ANKRD17: variants seen among roughly 807,000 people sequenced by gnomAD.
The protein encoded by ANKRD17 is ankyrin repeat domain 17, also known as ankyrin repeat domain-containing protein 17.
A neutral mutation model predicts 229.7 loss-of-function variants in ANKRD17; 19 were observed. That is an observed-to-expected ratio of 0.08 (90% CI 0.06 to 0.12). ANKRD17 has a LOEUF of 0.12. ANKRD17 is among the 10% of genes least tolerant of loss of function. ANKRD17 has a pLI of 1.00. For synonymous variants in ANKRD17, 1,112 were observed against 1,146.1 expected (o/e 0.97, Z 0.60); for missense variants, 2,176 against 3,176.8 (o/e 0.68, Z 7.57).
In ANKRD17 at chr4:73,214,923, T is replaced by G. The variant is rs538915561; in HGVS notation, c.394-37390A>C. Among the ~76,000 whole-genome samples the G allele has an allele frequency of 2.6e-3, 390 of 151,276 alleles. 3 individuals carry two copies. Among genetic ancestry groups the G allele is most frequent in the African/African-American group, 8.8e-3 (365 of 41,318 alleles). On this transcript the variant is annotated intron_variant, in intron 1 of 33. Coordinates refer to ENST00000358602, the MANE Select transcript of ANKRD17 (RefSeq NM_032217.5). The stretch of plus-strand genomic sequence containing the variant: ...CAGTCTTGAATATATTACTTTAATA[T>G]TCTGTGTGATAAAACAGAAAGCACT...
rs372446685 is a variant in ANKRD17, at chr4:73,137,082, T to C, written c.3086-1817A>G. Among the ~76,000 whole-genome samples the C allele has an allele frequency of 9.3e-5, 14 of 150,758 alleles. 1 individual carries two copies. The East Asian group carries it at 2.6e-3, about 28-fold the overall frequency. ...ATCTCATCATTTCCTTCGGGGTACC[T>C]ATAAAATTGGTTTACTAAAATTAGG... On this transcript the variant is annotated intron_variant, in intron 15 of 33. Coordinates refer to ENST00000358602, the MANE Select transcript of ANKRD17 (RefSeq NM_032217.5).
In ANKRD17 at chr4:73,168,108, C is replaced by G. The variant is rs550810863; in HGVS notation, c.548-6760G>C. On this transcript the variant is annotated intron_variant, in intron 2 of 33. Transcript: ENST00000358602. ...GCGGAGCTTGCAGTGAGCCAAGATC[C>G]CACCACTGTACTCCAGCCTGGGGGA... is the stretch of plus-strand genomic sequence containing the variant. Among the ~76,000 whole-genome samples, 221 of 148,344 alleles carry G rather than the reference C, an allele frequency of 1.5e-3. 1 individual carries two copies. The highest frequency in any genetic ancestry group is 5.0e-3 in the African/African-American group (200 of 39,880).
Position 73,258,486 on chromosome 4 carries a change from G to C in ANKRD17, c.183C>G (p.Leu61=). ...GCTGCTGCGGCGGCTTCTTCTTCAG[G>C]AGCAGGTCGCAGACTCGCACCATCC... The part of the protein sequence containing the change: ...PRGMVRVCDL[L]LKKKPPQQQH... The change falls in exon 1 of 34, where the codon CTC becomes CTG. Residue 61 remains leucine, a synonymous_variant. Transcript: ENST00000358602. 1.3e-6 allele frequency: 2 copies of C among 1,579,926 alleles called. No homozygotes were observed. The highest frequency in any genetic ancestry group is 2.3e-5 in the South Asian group (2 of 88,552).
intron 1 of ANKRD17, among the ~76,000 whole-genome samples, chr4:73,243,380 T>C (rs575952674): frequency 1.6e-4 from 24 of 152,150 alleles, no homozygotes; most frequent in South Asian, 1.2e-3. Context: ...AGTAAGAAAA[T>C]AGCCAGGGTT....
chr4:73,202,460 T>A (rs1207161872), intron 1 of ANKRD17, among the ~76,000 whole-genome samples: 1 of 151,718 alleles, frequency 6.6e-6, no homozygotes, highest in African/African-American at 2.4e-5. Flanking sequence ...AAAGAACTAT[T>A]GAGGAGCTGT....
At position 73,144,838 on chromosome 4, in the gene ANKRD17, TAA is replaced by T. The variant is rs375888439; in HGVS notation, c.1870-8_1870-7del. The stretch of plus-strand genomic sequence containing the variant: ...CCACCTTCAGATTCATGTTCCTGTT[TAA>T]AAAAAAAAAAAAAGACTTGACATTT... On this transcript the variant is annotated splice_region_variant and splice_polypyrimidine_tract_variant and intron_variant, in intron 10 of 33. Transcript: ENST00000358602. 10,319 of 1,289,724 alleles carry T rather than the reference TAA, an allele frequency of 8.0e-3. No homozygotes were observed. The highest frequency in any genetic ancestry group is 0.014 in the South Asian group (947 of 69,564). 79.9% of individuals were successfully genotyped at this position (1,289,724 alleles called of 1,614,324 possible).
intron 29 of ANKRD17, among the ~76,000 whole-genome samples, chr4:73,087,525 T>C (rs186100415): frequency 4.6e-5 from 7 of 152,322 alleles, no homozygotes; most frequent in Non-Finnish European, 8.8e-5. Context: ...TGTCAAGAAT[T>C]ACAGAGGAAG....
intron 1 of ANKRD17, among the ~76,000 whole-genome samples, chr4:73,190,656 G>T (rs1736948568): frequency 6.6e-6 from 1 of 151,220 alleles, no homozygotes. Flanking sequence ...AGAAAATACA[G>T]CCATCCTTCT....
At chr4:73,087,413 G>T (rs1722311963) in intron 29 of ANKRD17, among the ~76,000 whole-genome samples, 1 of 152,092 alleles carries the variant, frequency 6.6e-6, no homozygotes, top group Admixed American at 6.5e-5. Flanking sequence ...TGCAGTGTGA[G>T]GTTCAAAACA....
intron 1 of ANKRD17, among the ~76,000 whole-genome samples, chr4:73,180,685 G>C (rs1253090762): frequency 6.6e-6 from 1 of 152,096 alleles, no homozygotes. Context: ...TGACAGAAAA[G>C]AACAGGAATG....
chr4:73,215,410 C>G (rs967743284), intron 1 of ANKRD17, among the ~76,000 whole-genome samples: 2 of 152,082 alleles, frequency 1.3e-5, no homozygotes, highest in Non-Finnish European at 2.9e-5. Flanking sequence ...CAGGCGCATG[C>G]CACTACACCC....
intron 14 of ANKRD17, 144 bp downstream of exon 14, chr4:73,141,597 C>T: frequency 2.9e-6 from 2 of 695,682 alleles, no homozygotes; most frequent in Non-Finnish European, 4.8e-6. Flanking sequence ...ATTTTTTTCT[C>T]CCAATAACAT....
At chr4:73,171,178 G>GGGGAGA (rs1553928534) in intron 2 of ANKRD17, among the ~76,000 whole-genome samples, 39 of 104,502 alleles carry the variant, frequency 3.7e-4, no homozygotes, top group East Asian at 8.2e-4. Context: ...CTCAGAGGGG[G>GGGGAGA]GAGAGAGAGA....
intron 1 of ANKRD17, among the ~76,000 whole-genome samples, chr4:73,254,731 G>C (rs999077877): frequency 6.6e-6 from 1 of 150,416 alleles, no homozygotes; most frequent in Non-Finnish European, 1.5e-5. Context: ...TCAGACTGTT[G>C]CACTCCAGCC....
At chr4:73,240,118 C>A (rs1560776485) in intron 1 of ANKRD17, among the ~76,000 whole-genome samples, 1 of 151,994 alleles carries the variant, frequency 6.6e-6, no homozygotes, top group Non-Finnish European at 1.5e-5. Flanking sequence ...ATAGGTCCTG[C>A]AATAATAATG....
intron 2 of ANKRD17, among the ~76,000 whole-genome samples, chr4:73,174,337 T>C (rs920109579): frequency 6.6e-6 from 1 of 152,184 alleles, no homozygotes; most frequent in African/African-American, 2.4e-5. Context: ...AAAAATTGCA[T>C]GATCATCTCA....
rs1745671992 is a variant in ANKRD17 at position 73,258,357 on chromosome 4, G to A, written c.312C>T (p.Gly104=). 1 of 1,565,212 alleles carries A rather than the reference G, an allele frequency of 6.4e-7. No homozygotes were observed. Residue 104 remains glycine (G), a synonymous_variant, in exon 1 of 34, where the codon GGC becomes GGT. Coordinates refer to ENST00000358602, the MANE Select transcript of ANKRD17 (RefSeq NM_032217.5). ...TGCTGGTGCCGCCGCCGCCACCTCC[G>A]CCTCCACCGCCGCCTCCACCGCCGC... The part of the protein sequence containing the change: ...NSGGGGGGGG[G]GGGGGGTSSN...
intron 30 of ANKRD17, among the ~76,000 whole-genome samples, chr4:73,081,822 A>C (rs1721597210): frequency 6.6e-6 from 1 of 152,214 alleles, no homozygotes; most frequent in African/African-American, 2.4e-5. Flanking sequence ...CCTGAGTTAA[A>C]ATTGAAAGAG....
At chr4:73,159,310 C>G (rs1036019479) in intron 3 of ANKRD17, among the ~76,000 whole-genome samples, 8 of 151,836 alleles carry the variant, frequency 5.3e-5, no homozygotes, top group African/African-American at 1.7e-4. Flanking sequence ...TAGTCTCTCT[C>G]TGTCTCTTTC....
Sources: gnomAD v4.1 joint callset for allele counts (sites outside exome capture counted in the v4.1 genomes callset) on GRCh38, gnomAD v4.1.1 for gene constraint, MANE v1.5 for transcripts, NCBI Gene and HGNC (gene_info 2026-07-23, HGNC 2026-07-21) for gene names.